The following CNTNAP5 variants were observed in gnomAD, a reference collection of about 807,000 sequenced individuals.
CNTNAP5 encodes the protein contactin-associated protein-like 5.
In CNTNAP5, 72 loss-of-function variants were observed where a neutral mutation model predicts 150.2. The observed-to-expected ratio is 0.48, with a 90% CI of 0.40 to 0.58. CNTNAP5 has a LOEUF of 0.58. Ranked by LOEUF, CNTNAP5 falls within the 20% of genes least tolerant of loss-of-function variation. The pLI, the probability that CNTNAP5 is intolerant of heterozygous loss-of-function variation, is 0.00. For synonymous variants in CNTNAP5, 672 were observed against 619.8 expected (o/e 1.08, Z -1.25); for missense variants, 1,636 against 1,626.2 (o/e 1.01, Z -0.10).
chr2:124,643,184 A>G (rs6746199), intron 12 of CNTNAP5, among the ~76,000 whole-genome samples: 77,053 of 152,066 alleles, frequency 0.51, 20,786 homozygotes, highest in Non-Finnish European at 0.62. Context: ...GTTCCTGCCT[A>G]TTCAAAAATC....
chr2:124,884,219 A>C (rs953494029), intron 21 of CNTNAP5, among the ~76,000 whole-genome samples: 2 of 151,944 alleles, frequency 1.3e-5, no homozygotes, highest in African/African-American at 4.8e-5. Context: ...AGTGTTTTGC[A>C]TGCATATGTA....
intron 13 of CNTNAP5, among the ~76,000 whole-genome samples, chr2:124,706,792 A>AAGAAGAAGAAGAAGAAGAAGG (rs1679655743): frequency 4.1e-5 from 1 of 24,540 alleles, no homozygotes; most frequent in Non-Finnish European, 8.4e-5. Context: ...GAAGAAGAAG[A>AAGAAGAAGAAGAAGAAGAAGG]AGAAGGAGGA....
chr2:124,316,897 T>C (rs1375701640), intron 3 of CNTNAP5, among the ~76,000 whole-genome samples: 2 of 150,900 alleles, frequency 1.3e-5, no homozygotes, highest in Non-Finnish European at 3.0e-5. Context: ...TGCCAAGGTC[T>C]ACACTAAAAA....
chr2:124,463,926 T>C (rs1474805968), intron 6 of CNTNAP5, among the ~76,000 whole-genome samples: 1 of 152,122 alleles, frequency 6.6e-6, no homozygotes, highest in Non-Finnish European at 1.5e-5. Context: ...TAAACCTCTG[T>C]ATGCTGTCAT....
chr2:124,095,938 T>C (rs1480584236), intron 1 of CNTNAP5, among the ~76,000 whole-genome samples: 2 of 152,222 alleles, frequency 1.3e-5, no homozygotes, highest in African/African-American at 4.8e-5. Flanking sequence ...GAGGCTTAGA[T>C]AGAAAAATAG....
intron 3 of CNTNAP5, among the ~76,000 whole-genome samples, chr2:124,316,712 G>A (rs902451232): frequency 6.6e-5 from 9 of 137,060 alleles, no homozygotes; most frequent in African/African-American, 2.5e-4. Context: ...CGCTGAGGCA[G>A]AAGAATGGCA....
At chr2:124,225,927 C>A (rs984419465) in intron 2 of CNTNAP5, among the ~76,000 whole-genome samples, 1 of 152,148 alleles carries the variant, frequency 6.6e-6, no homozygotes, top group Admixed American at 6.6e-5. Context: ...CTAGGCTCAT[C>A]TATGATGTTG....
At chr2:124,052,473 G>A (rs140857913) in intron 1 of CNTNAP5, among the ~76,000 whole-genome samples, 6 of 152,324 alleles carry the variant, frequency 3.9e-5, no homozygotes, top group Admixed American at 2.6e-4. Flanking sequence ...TCAACCAAGG[G>A]TCCCAGGATT....
At chr2:124,482,474 T>A (rs558076121) in intron 7 of CNTNAP5, among the ~76,000 whole-genome samples, 8 of 152,306 alleles carry the variant, frequency 5.3e-5, no homozygotes, top group Non-Finnish European at 2.9e-5. Flanking sequence ...GGCATTTATT[T>A]TTTTTAGGGT....
intron 3 of CNTNAP5, among the ~76,000 whole-genome samples, chr2:124,332,337 A>G (rs1342296482): frequency 1.3e-5 from 2 of 151,252 alleles, no homozygotes; most frequent in Non-Finnish European, 3.0e-5. Flanking sequence ...GTTTCCATTA[A>G]TTTTAGTAAT....
intron 13 of CNTNAP5, among the ~76,000 whole-genome samples, chr2:124,674,550 T>TCTTTCTTTCTTTCTTC (rs1558730725): frequency 7.0e-6 from 1 of 143,698 alleles, no homozygotes; most frequent in East Asian, 2.1e-4. Context: ...TTTCTTTCTT[T>TCTTTCTTTCTTTCTTC]CTTCCTTTCT....
rs950840720 is a variant in CNTNAP5 at position 124,916,643 on chromosome 2, T to C, written c.*2355T>C. Among the ~76,000 whole-genome samples, 33 of 152,044 alleles carry C rather than the reference T, an allele frequency of 2.2e-4. No homozygotes were observed. Among genetic ancestry groups the C allele is most frequent in the Non-Finnish European group, 4.1e-4 (28 of 67,966 alleles). ...GCAAAGGCTAACTCAGAGTATTTGA[T>C]TTTCTCATCTAAGTATATATGCTTG... On this transcript the variant is annotated 3_prime_UTR_variant, in exon 24 of 24. Transcript: ENST00000682447.
chr2:124,551,414 G>C (rs1389385119), intron 10 of CNTNAP5, among the ~76,000 whole-genome samples: 1 of 152,120 alleles, frequency 6.6e-6, no homozygotes, highest in African/African-American at 2.4e-5. Flanking sequence ...TTGTTAGAAT[G>C]GAAAGACATA....
At chr2:124,154,634 G>A (rs1213181120) in intron 1 of CNTNAP5, among the ~76,000 whole-genome samples, 3 of 152,172 alleles carry the variant, frequency 2.0e-5, no homozygotes, top group African/African-American at 7.2e-5. Context: ...GTGCTGCCTT[G>A]AGAAGTCCAG....
At chr2:124,241,451 C>T (rs776978754) in intron 2 of CNTNAP5, among the ~76,000 whole-genome samples, 6 of 152,144 alleles carry the variant, frequency 3.9e-5, no homozygotes, top group Non-Finnish European at 7.3e-5. Context: ...TATGGCTGCA[C>T]TTGCCTCAGG....
intron 13 of CNTNAP5, among the ~76,000 whole-genome samples, chr2:124,739,995 C>A (rs911668152): frequency 4.0e-5 from 6 of 151,878 alleles, no homozygotes; most frequent in Admixed American, 1.3e-4. Context: ...TCACGTATTA[C>A]ACCATGACCT....
chr2:124,470,446 T>C (rs11123047), intron 6 of CNTNAP5, among the ~76,000 whole-genome samples: 149,099 of 152,222 alleles, frequency 0.98, 73,104 homozygotes, highest in East Asian at 1. Flanking sequence ...TATTTAAGTT[T>C]CTTGTAGATG....
At chr2:124,750,304 C>T (rs1339112367) in intron 14 of CNTNAP5, among the ~76,000 whole-genome samples, 3 of 152,122 alleles carry the variant, frequency 2.0e-5, no homozygotes, top group Non-Finnish European at 2.9e-5. Context: ...CCTGGATGTC[C>T]CATAGCAGCA....
At chr2:124,802,403 A>C (rs769940324) in intron 19 of CNTNAP5, among the ~76,000 whole-genome samples, 1 of 152,232 alleles carries the variant, frequency 6.6e-6, no homozygotes, top group East Asian at 1.9e-4. Context: ...AACTGCTGCT[A>C]TCTTTTCAAA....
Sources: gnomAD v4.1 joint callset for allele counts (sites outside exome capture counted in the v4.1 genomes callset) on GRCh38, gnomAD v4.1.1 for gene constraint, MANE v1.5 for transcripts, NCBI Gene and HGNC (gene_info 2026-07-23, HGNC 2026-07-21) for gene names.